Variants in INSC observed in about 807,000 individuals in gnomAD.
INSC encodes the protein protein inscuteable homolog.
In INSC, 67 loss-of-function variants were observed where a neutral mutation model predicts 58.6. The ratio of observed to expected loss-of-function variants is 1.14; its 90% CI spans 0.94 to 1.40. INSC has a LOEUF of 1.40. Ranked by LOEUF, INSC falls within the 40% of genes most tolerant of loss-of-function variation. The pLI, the probability that INSC is intolerant of heterozygous loss-of-function variation, is 0.00. For missense variants in INSC, 714 were observed against 692.0 expected (o/e 1.03, Z -0.36); for synonymous variants, 262 against 276.1 (o/e 0.95, Z 0.51).
intron 7 of INSC, among the ~76,000 whole-genome samples, chr11:15,208,119 A>G (rs1280343555): frequency 6.6e-6 from 1 of 152,220 alleles, no homozygotes; most frequent in Non-Finnish European, 1.5e-5. Context: ...AGGCAAAAAA[A>G]TCTTTGCTTA....
upstream of INSC, among the ~76,000 whole-genome samples, chr11:15,113,025 A>G (rs1422100197): frequency 6.6e-6 from 1 of 152,106 alleles, no homozygotes; most frequent in African/African-American, 2.4e-5. Context: ...TCTTTGAGGA[A>G]GAATTGGAGA....
At chr11:15,160,435 G>A (rs1848977965) in intron 2 of INSC, among the ~76,000 whole-genome samples, 3 of 152,182 alleles carry the variant, frequency 2.0e-5, no homozygotes, top group East Asian at 1.9e-4. Context: ...GAGATGACAA[G>A]TGTCATGTGT....
chr11:15,165,202 G>A (rs889245194), intron 2 of INSC, among the ~76,000 whole-genome samples: 8 of 152,072 alleles, frequency 5.3e-5, no homozygotes, highest in African/African-American at 1.9e-4. Flanking sequence ...TCATGTGGGG[G>A]TTTGAAGAGA....
At chr11:15,204,579 A>G (rs1370509737) in intron 7 of INSC, among the ~76,000 whole-genome samples, 1 of 152,144 alleles carries the variant, frequency 6.6e-6, no homozygotes, top group Admixed American at 6.5e-5. Context: ...GAGGTTGGCC[A>G]TTGTCAGTGT....
chr11:15,225,385 C>T (rs761294102), intron 8 of INSC, among the ~76,000 whole-genome samples: 6 of 152,164 alleles, frequency 3.9e-5, no homozygotes, highest in Admixed American at 6.5e-5. Context: ...TCCCAAGACC[C>T]CAGTGGCACC....
rs749353075 is a variant in INSC at position 15,225,641 on chromosome 11, G to T, written c.992-9G>T. The T allele has an allele frequency of 1.2e-5, 20 of 1,606,432 alleles. No individual in the cohort carries two copies. In the Admixed American group the frequency reaches 3.4e-4, roughly 27 times the overall value. ...CACGGAAGTTATTTTCTTTCTCTTT[G>T]CCATCCAGAACTGTGCCAAGAGGCC... On this transcript the variant is annotated splice_polypyrimidine_tract_variant and intron_variant, in intron 8 of 12. Transcript: ENST00000379556.
At chr11:15,162,430 T>C (rs773095303) in intron 2 of INSC, among the ~76,000 whole-genome samples, 5 of 152,240 alleles carry the variant, frequency 3.3e-5, no homozygotes, top group Non-Finnish European at 5.9e-5. Context: ...CAATCTTAGC[T>C]TCTCAATGAG....
At chr11:15,266,891 C>T in the INSC span, among the ~76,000 whole-genome samples, 1 of 151,912 alleles carries the variant, frequency 6.6e-6, no homozygotes, top group Non-Finnish European at 1.5e-5. Flanking sequence ...TAGGAAGACA[C>T]TCAGAGATGA....
At chr11:15,144,316 T>C (rs1330037079) in intron 1 of INSC, among the ~76,000 whole-genome samples, 1 of 152,184 alleles carries the variant, frequency 6.6e-6, no homozygotes, top group African/African-American at 2.4e-5. Context: ...ATTTTACTGA[T>C]GGGAAACAGA....
In INSC at chr11:15,190,565, C is replaced by T. The variant is rs184721937; in HGVS notation, c.580-136C>T. 2.1e-4 allele frequency: 148 copies of T among 708,140 alleles called. No individual in the cohort carries two copies. In the East Asian group the frequency reaches 3.6e-3, roughly 17 times the overall value. 43.9% of individuals were successfully genotyped at this position (708,140 alleles called of 1,614,324 possible). ...CAAAGCTAGAACTTCATTGCACTCA[C>T]AATGAGGCAGTAGCTAGGGGCAGGA... On this transcript the variant is annotated intron_variant, in intron 5 of 12. Transcript: ENST00000379556.
chr11:15,267,318 C>T, the INSC span, among the ~76,000 whole-genome samples: 1 of 151,932 alleles, frequency 6.6e-6, no homozygotes, highest in Non-Finnish European at 1.5e-5. Flanking sequence ...ATAATATGCT[C>T]TATGTATTTC....
At chr11:15,245,438 G>A (rs937057779) in intron 12 of INSC, among the ~76,000 whole-genome samples, 1 of 152,104 alleles carries the variant, frequency 6.6e-6, no homozygotes, top group Non-Finnish European at 1.5e-5. Context: ...ATTTTATTCT[G>A]CCAGCACCTC....
At chr11:15,191,598 A>AT (rs1013983639) in intron 6 of INSC, among the ~76,000 whole-genome samples, 12 of 151,850 alleles carry the variant, frequency 7.9e-5, no homozygotes, top group African/African-American at 1.7e-4. Flanking sequence ...AAAAGTTTTT[A>AT]TTTTTTTTCA....
At chr11:15,162,350 G>C (rs1849047924) in intron 2 of INSC, among the ~76,000 whole-genome samples, 1 of 152,214 alleles carries the variant, frequency 6.6e-6, no homozygotes, top group South Asian at 2.1e-4. Context: ...CTTTGCACTA[G>C]GCTCTGACCG....
chr11:15,147,271 C>T (rs1380585889), intron 1 of INSC, among the ~76,000 whole-genome samples: 1 of 152,050 alleles, frequency 6.6e-6, no homozygotes, highest in Admixed American at 6.6e-5. Context: ...AAAAATATAC[C>T]TTCTCAATAA....
At chr11:15,118,078 C>A (rs1847776834) in intron 1 of INSC, among the ~76,000 whole-genome samples, 1 of 152,216 alleles carries the variant, frequency 6.6e-6, no homozygotes, top group Non-Finnish European at 1.5e-5. Flanking sequence ...CTCTCTGTGT[C>A]TCTTGGATCT....
chr11:15,192,439 AAG>A (rs1374118678), intron 6 of INSC, among the ~76,000 whole-genome samples: 1 of 152,230 alleles, frequency 6.6e-6, no homozygotes, highest in African/African-American at 2.4e-5. Context: ...GGTGTCTAAA[AAG>A]AGTAGCAGGC....
intron 1 of INSC, among the ~76,000 whole-genome samples, chr11:15,144,506 C>T (rs1006638121): frequency 3.3e-5 from 5 of 152,170 alleles, no homozygotes; most frequent in Non-Finnish European, 7.3e-5. Context: ...TGCTGTCCAA[C>T]TCCTCTTCAA....
At chr11:15,112,472 G>A (rs1847589815), upstream of INSC, 1 of 1,605,618 alleles carries the variant, frequency 6.2e-7, no homozygotes, top group Non-Finnish European at 8.5e-7. Context: ...CTGGAGCCAT[G>A]AGACGGCCCC....
Sources: gnomAD v4.1 joint callset for allele counts (sites outside exome capture counted in the v4.1 genomes callset) on GRCh38, gnomAD v4.1.1 for gene constraint, MANE v1.5 for transcripts, NCBI Gene and HGNC (gene_info 2026-07-23, HGNC 2026-07-21) for gene names.